The following SENP2 variants were observed in gnomAD, a reference collection of about 807,000 sequenced individuals.
SENP2 encodes sentrin-specific protease 2.
In SENP2, 16 loss-of-function variants were observed where a neutral mutation model predicts 86.3. The ratio of observed to expected loss-of-function variants is 0.19; its 90% CI spans 0.13 to 0.28. The LOEUF (loss-of-function observed/expected upper bound fraction) is 0.28. Ranked by LOEUF, SENP2 falls within the 10% of genes least tolerant of loss-of-function variation. SENP2 has a pLI of 1.00. For synonymous variants in SENP2, 222 were observed against 238.7 expected, an observed-to-expected ratio of 0.93 and a Z score of 0.64; for missense variants, 552 against 703.0, an observed-to-expected ratio of 0.79 and a Z score of 2.43.
At chr3:185,596,021 A>G (rs1722161944) in intron 2 of SENP2, among the ~76,000 whole-genome samples, 1 of 152,092 alleles carries the variant, frequency 6.6e-6, no homozygotes, top group Admixed American at 6.6e-5. Context: ...ACTGGAGTAC[A>G]GTGGTGCCAT....
rs541629630 is a variant in SENP2 at position 185,596,254 on chromosome 3, G to A, written c.158-2158G>A. 8.6e-5 allele frequency among the ~76,000 whole-genome samples: 13 copies of A among 152,004 alleles called. No individual in the cohort carries two copies. The South Asian group carries it at 2.1e-3, about 24-fold the overall frequency. ...GCTGGGATTACAGGCTTGAGCCACC[G>A]TGCCCAGCCTAAGATCTTCTAACAC... On this transcript the variant is annotated intron_variant, in intron 2 of 16. Coordinates refer to ENST00000296257, the MANE Select transcript of SENP2 (RefSeq NM_021627.3).
intron 2 of SENP2, among the ~76,000 whole-genome samples, chr3:185,594,490 T>G (rs1238253809): frequency 6.6e-6 from 1 of 152,208 alleles, no homozygotes. Flanking sequence ...AAACTTTAAG[T>G]TAGGTAACCA....
rs771245361 is a variant in SENP2, at chr3:185,626,405, C to T, written c.1707+12C>T. 2 of 1,532,342 alleles carry T rather than the reference C, an allele frequency of 1.3e-6. No individual in the cohort carries two copies. Among genetic ancestry groups the T allele is most frequent in the East Asian group, 2.2e-5 (1 of 44,486 alleles). The allele number at this position is 1,532,342 out of a possible 1,614,324, so 94.9% of individuals were successfully genotyped here. A position where few individuals can be genotyped will look rare whatever the true frequency, so the allele number is the denominator to read the frequency against. On this transcript the variant is annotated intron_variant, in intron 16 of 16. Coordinates refer to ENST00000296257, the MANE Select transcript of SENP2 (RefSeq NM_021627.3). ...TCACATTTACTCAGGTGAGTGAAGA[C>T]CCTCTTCATCCATTTACTTGTTACT...
Position 185,614,634 on chromosome 3 carries a change from G to A in SENP2, c.1004G>A (p.Ser335Asn). 2 of 1,614,216 alleles carry A rather than the reference G, an allele frequency of 1.2e-6. No homozygotes were observed. The highest frequency in any genetic ancestry group is 8.5e-7 in the Non-Finnish European group (1 of 1,180,034). The change falls in exon 11 of 17, where the codon AGC becomes AAC. Residue 335 changes from serine (S) to asparagine (N), a missense_variant. Ser to Asn is a conservative substitution (Grantham distance 46, BLOSUM62 1). Around this residue, in one of 2 missense-constraint regions of SENP2, gnomAD observed 383 missense variants for 427.3 expected, o/e 0.90. Coordinates refer to ENST00000296257, the MANE Select transcript of SENP2 (RefSeq NM_021627.3). ...VSARLRLGSGSNGLLRRKVSI... is the reference protein window; with the variant it reads ...VSARLRLGSGNNGLLRRKVSI... ...GCCCGACTCCGCCTGGGCAGTGGAA[G>A]CAATGGCTTACTCAGGAGGAAAGTG...
chr3:185,616,724 G>C (rs1446936047), intron 11 of SENP2, among the ~76,000 whole-genome samples: 1 of 148,140 alleles, frequency 6.8e-6, no homozygotes, highest in Non-Finnish European at 1.5e-5. Context: ...GCAGTAAGCC[G>C]AGATGGCGCC....
At position 185,619,288 on chromosome 3, in the gene SENP2, G is replaced by C. The variant is rs745309190; in HGVS notation, c.1243-11G>C. 1.3e-6 allele frequency: 2 copies of C among 1,599,014 alleles called. No homozygotes were observed. The highest frequency in any genetic ancestry group is 3.3e-5 in the Admixed American group (2 of 59,920). ...CCATGTTCCAGCTTTTGCTCCCTTG[G>C]TATTTTGTAGGTCATTAATTTTTAC... On this transcript the variant is annotated splice_polypyrimidine_tract_variant and intron_variant, in intron 12 of 16. Coordinates refer to ENST00000296257, the MANE Select transcript of SENP2 (RefSeq NM_021627.3).
Position 185,632,213 on chromosome 3 carries a change from G to GTTTTTTTTTTTTTTTTTTTTTTTT in SENP2, c.*2379_*2380insTTTTTTTTTTTTTTTTTTTTTTTT, listed in dbSNP as rs369236428. ...CAAATTATCACCATTAAAGCCAGTG[G>GTTTTTTTTTTTTTTTTTTTTTTTT]TTTTTTTTTTGTTTTTTTTTTTTGT... is the stretch of plus-strand genomic sequence containing the variant. On this transcript the variant is annotated 3_prime_UTR_variant, in exon 17 of 17. Coordinates refer to ENST00000296257, the MANE Select transcript of SENP2 (RefSeq NM_021627.3). The GTTTTTTTTTTTTTTTTTTTTTTTT allele has an allele frequency of 1.6e-5, 2 of 125,326 alleles. No individual in the cohort carries two copies. The highest frequency in any genetic ancestry group is 8.4e-5 in the Admixed American group (1 of 11,902). The allele number at this position is 125,326 out of a possible 1,614,324, so 7.8% of individuals were successfully genotyped here. A position where few individuals can be genotyped will look rare whatever the true frequency, so the allele number is the denominator to read the frequency against.
chr3:185,630,003 G>C lies in SENP2; in HGVS notation c.*159G>C, dbSNP rs141049268. ...AGGCCTCTCACTGTACTCTAGTCCTGACTTGGGGTGCAGAGGGCTGCTTGC... is the reference window on the plus strand; with the variant it reads ...AGGCCTCTCACTGTACTCTAGTCCTCACTTGGGGTGCAGAGGGCTGCTTGC... On this transcript the variant is annotated 3_prime_UTR_variant, in exon 17 of 17. Coordinates refer to ENST00000296257, the MANE Select transcript of SENP2 (RefSeq NM_021627.3). The C allele has an allele frequency of 4.4e-4, 297 of 672,234 alleles. 3 individuals are homozygous for C. Among genetic ancestry groups the C allele is most frequent in the African/African-American group, 4.0e-3 (225 of 56,540 alleles). The allele number at this position is 672,234 out of a possible 1,614,324, so 41.6% of individuals were successfully genotyped here. A position where few individuals can be genotyped will look rare whatever the true frequency, so the allele number is the denominator to read the frequency against.
rs1284568252 is a variant in SENP2 at position 185,633,119 on chromosome 3, C to T, written c.*3275C>T. On this transcript the variant is annotated 3_prime_UTR_variant, in exon 17 of 17. Transcript: ENST00000296257. ...AATCCTAAGCACAACTTCAGAAAACCATGTCTGATAGCGGATGTCTTCCTG... is the reference window on the plus strand; with the variant it reads ...AATCCTAAGCACAACTTCAGAAAACTATGTCTGATAGCGGATGTCTTCCTG... 6.6e-6 allele frequency: 1 copy of T among 152,172 alleles called. No homozygotes were observed. Among genetic ancestry groups the T allele is most frequent in the Non-Finnish European group, 1.5e-5 (1 of 68,050 alleles). The allele number at this position is 152,172 out of a possible 1,614,324, so 9.4% of individuals were successfully genotyped here.
In SENP2 at chr3:185,613,380, T is replaced by C; in HGVS notation, c.905T>C (p.Met302Thr). Residue 302 changes from methionine to threonine, a missense_variant, in exon 10 of 17, where the codon ATG becomes ACG. By Grantham distance (81) the Met-to-Thr change is moderately conservative. Around this residue, in one of 2 missense-constraint regions of SENP2, gnomAD observed 383 missense variants for 427.3 expected, o/e 0.90. Coordinates refer to ENST00000296257, the MANE Select transcript of SENP2 (RefSeq NM_021627.3). ...GGGAAAATTACTGATACAGAGACGA[T>C]GGTCGGAATCAGATTTGAAAATGAA... ...SKGKITDTET[M>T]VGIRFENESR... The C allele has an allele frequency of 6.3e-7, 1 of 1,594,862 alleles. No individual in the cohort carries two copies. The highest frequency in any genetic ancestry group is 8.6e-7 in the Non-Finnish European group (1 of 1,164,274).
In SENP2 at chr3:185,621,884, A is replaced by G; in HGVS notation, c.1505A>G (p.His502Arg). ...KYLDSMGQKG[H>R]RICEILLQYL... Reference sequence around the variant, plus strand: ...CTGGATTCTATGGGACAAAAGGGCCACAGGATCTGTGAGATTCTCCTGTAA... The same window carrying G: ...CTGGATTCTATGGGACAAAAGGGCCGCAGGATCTGTGAGATTCTCCTGTAA... The change falls in exon 14 of 17, where the codon CAC becomes CGC. Residue 502 changes from histidine (H) to arginine (R), a missense_variant. His to Arg is a conservative substitution (Grantham distance 29, BLOSUM62 0). Coordinates refer to ENST00000296257, the MANE Select transcript of SENP2 (RefSeq NM_021627.3). 6.2e-7 allele frequency: 1 copy of G among 1,611,822 alleles called. No homozygotes were observed. Among genetic ancestry groups the G allele is most frequent in the Non-Finnish European group, 8.5e-7 (1 of 1,178,284 alleles).
At chr3:185,590,014 T>G in intron 1 of SENP2, 100 bp from the exon 2 acceptor site, 1 of 591,114 alleles carries the variant, frequency 1.7e-6, no homozygotes, top group Non-Finnish European at 2.8e-6. Context: ...TATGACAAAG[T>G]GATAGAAGGG....
chr3:185,596,620 CAAA>C (rs62894960), intron 2 of SENP2, among the ~76,000 whole-genome samples: 9 of 119,748 alleles, frequency 7.5e-5, no homozygotes, highest in Admixed American at 1.7e-4. Context: ...GACCCTGTCT[CAAA>C]AAAAAAAAAA....
At chr3:185,593,980 G>A (rs1375993442) in intron 2 of SENP2, among the ~76,000 whole-genome samples, 3 of 151,798 alleles carry the variant, frequency 2.0e-5, no homozygotes, top group Admixed American at 6.6e-5. Context: ...CGCCCGCCTC[G>A]GCTTCCCAAA....
chr3:185,605,813 A>G (rs1722492775), intron 5 of SENP2, among the ~76,000 whole-genome samples: 1 of 152,150 alleles, frequency 6.6e-6, no homozygotes, highest in African/African-American at 2.4e-5. Flanking sequence ...TGGGAATTCC[A>G]GGCTTCAGTT....
chr3:185,621,711 TA>T, intron 13 of SENP2, 114 bp from the exon 14 acceptor site: 1 of 605,318 alleles, frequency 1.7e-6, no homozygotes, highest in Non-Finnish European at 2.8e-6. Flanking sequence ...CTAAGATACA[TA>T]AAAAATTTAT....
At chr3:185,629,222 A>C (rs1348235401) in intron 16 of SENP2, among the ~76,000 whole-genome samples, 3 of 152,194 alleles carry the variant, frequency 2.0e-5, no homozygotes, top group African/African-American at 4.8e-5. Context: ...AGGACTGTGA[A>C]GTTGTACTAT....
intron 15 of SENP2, among the ~76,000 whole-genome samples, 200 bp from the exon 16 acceptor site, chr3:185,626,098 T>G (rs1158660680): frequency 6.6e-6 from 1 of 152,342 alleles, no homozygotes; most frequent in East Asian, 1.9e-4. Context: ...GGCCTGTTTT[T>G]CCCTTGCTAT....
At chr3:185,626,257 GT>G in intron 15 of SENP2, 40 bp from the exon 16 acceptor site, 1 of 1,311,330 alleles carries the variant, frequency 7.6e-7, no homozygotes, top group Non-Finnish European at 1.1e-6. Context: ...ATTTAATGAT[GT>G]TTTACCCTTT....
Sources: allele counts gnomAD v4.1 joint callset (sites outside exome capture counted in the v4.1 genomes callset), GRCh38; gene constraint gnomAD v4.1.1; regional missense constraint gnomAD v4.1.1; transcripts MANE v1.5; gene names NCBI Gene and HGNC (gene_info 2026-07-23, HGNC 2026-07-21).